The following STPG2 variants were observed in gnomAD, a reference collection of about 807,000 sequenced individuals.
STPG2 encodes sperm-tail PG-rich repeat-containing protein 2.
Under a neutral mutation model 54.2 loss-of-function variants are expected in STPG2, and 56 were observed. That is an observed-to-expected ratio of 1.03 (90% CI 0.83 to 1.29). The LOEUF (loss-of-function observed/expected upper bound fraction) is 1.29, where lower values mean the gene tolerates loss of function less well. Among genes scored for constraint, STPG2 ranks in the 50% most tolerant of loss-of-function variants. STPG2 has a pLI of 0.00. For synonymous variants in STPG2, 200 were observed against 181.8 expected, an observed-to-expected ratio of 1.10 and a Z score of -0.81; for missense variants, 596 against 544.9, an observed-to-expected ratio of 1.09 and a Z score of -0.93.
At chr4:97,929,294 G>C (rs1335409560) in intron 8 of STPG2, among the ~76,000 whole-genome samples, 1 of 152,154 alleles carries the variant, frequency 6.6e-6, no homozygotes, top group Non-Finnish European at 1.5e-5. Flanking sequence ...CATTTGGGTT[G>C]ATTCCATGTC....
chr4:97,527,479 A>G (rs1225089150), intron 4 of STPG2, among the ~76,000 whole-genome samples: 1 of 152,134 alleles, frequency 6.6e-6, no homozygotes. Context: ...ATGTATCTTC[A>G]TAGTAGAATG....
chr4:97,874,014 G>A (rs1164058052), intron 8 of STPG2, among the ~76,000 whole-genome samples: 1 of 151,208 alleles, frequency 6.6e-6, no homozygotes, highest in East Asian at 1.9e-4. Context: ...TAAAACAATG[G>A]ATAAGTAGAA....
intron 10 of STPG2, among the ~76,000 whole-genome samples, chr4:97,559,646 C>A (rs1377470287): frequency 6.6e-6 from 1 of 152,168 alleles, no homozygotes; most frequent in African/African-American, 2.4e-5. Flanking sequence ...TTTGTCCTAA[C>A]TTTCTGATTT....
chr4:98,117,291 C>A (rs144259388), intron 3 of STPG2, among the ~76,000 whole-genome samples: 2 of 152,000 alleles, frequency 1.3e-5, no homozygotes, highest in Non-Finnish European at 2.9e-5. Context: ...TTTCTATTAA[C>A]CTTTTGGAGG....
At chr4:97,904,104 G>C (rs10022196) in intron 8 of STPG2, among the ~76,000 whole-genome samples, 57,113 of 152,032 alleles carry the variant, frequency 0.38, 10,817 homozygotes, top group Middle Eastern at 0.46. Context: ...CACCACAGCT[G>C]AAGGAGGCCT....
rs116157739 is a variant in STPG2 at position 97,453,743 on chromosome 4, A to G, written c.462+258956T>C. 1.8e-3 allele frequency among the ~76,000 whole-genome samples: 279 copies of G among 152,252 alleles called. 1 individual carries two copies. Among genetic ancestry groups the G allele is most frequent in the African/African-American group, 6.4e-3 (266 of 41,540 alleles). The stretch of plus-strand genomic sequence containing the variant: ...TGAGGAATTAGTGTGGTATCATTGA[A>G]AACAATATACTGGAGTCCGACTAGT... On this transcript the variant is annotated intron_variant, in intron 4 of 4. Transcript: ENST00000522676.
chr4:97,636,893 A>T (rs1211732585), intron 10 of STPG2, among the ~76,000 whole-genome samples: 1 of 151,770 alleles, frequency 6.6e-6, no homozygotes, highest in Non-Finnish European at 1.5e-5. Flanking sequence ...ATGGATTCAC[A>T]GCCGAATTCT....
intron 7 of STPG2, among the ~76,000 whole-genome samples, chr4:97,960,700 A>T (rs911518243): frequency 3.9e-5 from 6 of 152,206 alleles, no homozygotes; most frequent in African/African-American, 1.4e-4. Flanking sequence ...ATCATAGACC[A>T]CAAAAAACAA....
chr4:98,080,806 C>T (rs1738322139), intron 5 of STPG2, among the ~76,000 whole-genome samples: 2 of 152,278 alleles, frequency 1.3e-5, no homozygotes, highest in East Asian at 1.9e-4. Context: ...CATGTTTACA[C>T]GATTCATGAT....
At chr4:97,771,500 AGCAGG>A (rs1335617716) in intron 9 of STPG2, among the ~76,000 whole-genome samples, 3 of 152,268 alleles carry the variant, frequency 2.0e-5, no homozygotes, top group Admixed American at 2.0e-4. Context: ...TTGGTGGGCA[AGCAGG>A]AAGCATCCTT....
intron 5 of STPG2, among the ~76,000 whole-genome samples, chr4:98,023,335 A>G (rs11097594): frequency 0.39 from 59,991 of 152,018 alleles, 12,067 homozygotes; most frequent in Middle Eastern, 0.47. Flanking sequence ...AACAGCGATG[A>G]CTGTAGAACA....
intron 4 of STPG2, among the ~76,000 whole-genome samples, chr4:97,464,939 T>C (rs1414824740): frequency 1.3e-5 from 2 of 152,144 alleles, no homozygotes; most frequent in African/African-American, 4.8e-5. Flanking sequence ...GCTGGAATAG[T>C]TTCAGAATTG....
chr4:98,117,526 C>A (rs1219613683), intron 3 of STPG2, among the ~76,000 whole-genome samples: 6 of 151,920 alleles, frequency 3.9e-5, no homozygotes, highest in Admixed American at 2.0e-4. Flanking sequence ...TCCTCTTTCT[C>A]CTCCGCTTCT....
At chr4:97,755,907 T>C (rs1725713961) in intron 9 of STPG2, among the ~76,000 whole-genome samples, 1 of 152,212 alleles carries the variant, frequency 6.6e-6, no homozygotes, top group Non-Finnish European at 1.5e-5. Context: ...TCTAAAGAGT[T>C]AGAATAAATA....
chr4:97,864,682 C>T (rs1006501677), intron 8 of STPG2, among the ~76,000 whole-genome samples: 4 of 152,190 alleles, frequency 2.6e-5, no homozygotes, highest in African/African-American at 9.7e-5. Flanking sequence ...CACTACCTGA[C>T]TTCAAACTAT....
chr4:97,950,561 A>C (rs1035372148), intron 7 of STPG2, among the ~76,000 whole-genome samples: 8 of 152,110 alleles, frequency 5.3e-5, no homozygotes, highest in African/African-American at 1.9e-4. Context: ...TTAGTAATTA[A>C]TCTTTTGAAT....
chr4:97,740,023 G>C (rs1488681368), intron 9 of STPG2, among the ~76,000 whole-genome samples: 1 of 152,012 alleles, frequency 6.6e-6, no homozygotes, highest in African/African-American at 2.4e-5. Context: ...CCATGATCAA[G>C]TGGGCTTCAT....
chr4:97,996,797 A>C (rs1735255322), intron 5 of STPG2, among the ~76,000 whole-genome samples: 1 of 152,220 alleles, frequency 6.6e-6, no homozygotes. Context: ...CATTTTGCAA[A>C]AGAAAACATG....
At chr4:97,475,763 A>G (rs566882950) in intron 4 of STPG2, among the ~76,000 whole-genome samples, 1 of 152,254 alleles carries the variant, frequency 6.6e-6, no homozygotes, top group Admixed American at 6.5e-5. Flanking sequence ...CTTGTTGAAC[A>G]GAGGCTTTTT....
Sources: allele counts gnomAD v4.1 joint callset (sites outside exome capture counted in the v4.1 genomes callset), GRCh38; gene constraint gnomAD v4.1.1; transcripts MANE v1.5; gene names NCBI Gene and HGNC (gene_info 2026-07-23, HGNC 2026-07-21).